Variants in INPP5A observed in about 807,000 individuals in gnomAD.
The protein encoded by INPP5A is inositol polyphosphate-5-phosphatase A.
INPP5A carries 14 observed loss-of-function variants against 65.2 expected under a neutral mutation model. The observed-to-expected ratio is 0.21, with a 90% CI of 0.14 to 0.34. INPP5A has a LOEUF of 0.34. Ranked by LOEUF, INPP5A falls within the 10% of genes least tolerant of loss-of-function variation. The pLI, the probability that INPP5A is intolerant of heterozygous loss-of-function variation, is 1.00. For missense variants in INPP5A, 431 were observed against 545.6 expected, an observed-to-expected ratio of 0.79 and a Z score of 2.09; for synonymous variants, 207 against 208.3, an observed-to-expected ratio of 0.99 and a Z score of 0.05.
chr10:132,760,499 C>G (rs1414170139), intron 11 of INPP5A, among the ~76,000 whole-genome samples: 1 of 152,280 alleles, frequency 6.6e-6, no homozygotes, highest in Non-Finnish European at 1.5e-5. Context: ...GCGTCCCCCA[C>G]AGCTGTGAAA....
intron 4 of INPP5A, among the ~76,000 whole-genome samples, chr10:132,662,858 G>A (rs905275975): frequency 6.6e-6 from 1 of 152,232 alleles, no homozygotes; most frequent in African/African-American, 2.4e-5. Flanking sequence ...ACCTTCTGGA[G>A]CGACGGGCAT....
chr10:132,647,607 C>T (rs1017337018), intron 3 of INPP5A, among the ~76,000 whole-genome samples: 3 of 152,188 alleles, frequency 2.0e-5, no homozygotes, highest in Admixed American at 6.5e-5. Context: ...GGTGGCATGA[C>T]GCAGGCCCGG....
chr10:132,541,568 G>A (rs570040817), intron 1 of INPP5A, among the ~76,000 whole-genome samples: 7 of 152,234 alleles, frequency 4.6e-5, no homozygotes, highest in Admixed American at 2.0e-4. Context: ...TGTTTATGTT[G>A]GTTATAACTA....
chr10:132,723,473 G>T (rs1299872700), intron 8 of INPP5A, among the ~76,000 whole-genome samples: 4 of 142,994 alleles, frequency 2.8e-5, no homozygotes, highest in African/African-American at 1.2e-4. Context: ...GGCCATGTGG[G>T]GATTGGCCGT....
At chr10:132,636,276 G>T (rs886169372) in intron 2 of INPP5A, among the ~76,000 whole-genome samples, 1 of 151,972 alleles carries the variant, frequency 6.6e-6, no homozygotes, top group African/African-American at 2.4e-5. Context: ...GATAGAACTT[G>T]CTTTACTTCT....
intron 4 of INPP5A, among the ~76,000 whole-genome samples, chr10:132,652,746 C>T (rs935034823): frequency 2.0e-5 from 3 of 152,218 alleles, no homozygotes; most frequent in Non-Finnish European, 4.4e-5. Context: ...CCTTGTAAAA[C>T]AGTCGTTAGA....
rs571029221 is a variant in INPP5A, at chr10:132,688,732, ATG to A, written c.307-1655_307-1654del. 2.3e-3 allele frequency among the ~76,000 whole-genome samples: 347 copies of A among 149,646 alleles called. 3 individuals are homozygous for A. The highest frequency in any genetic ancestry group is 5.3e-3 in the South Asian group (25 of 4,690). On this transcript the variant is annotated intron_variant, in intron 4 of 15. Transcript: ENST00000368594. ...GTGAACAAGTGCATTGTGTGCATGAATGTGTGCAAGTGTGTGAGCAAGTGCAT... is the reference window on the plus strand; with the variant it reads ...GTGAACAAGTGCATTGTGTGCATGAATGTGCAAGTGTGTGAGCAAGTGCAT...
chr10:132,631,182 T>C (rs1013255917), intron 2 of INPP5A, among the ~76,000 whole-genome samples: 2 of 152,144 alleles, frequency 1.3e-5, no homozygotes, highest in African/African-American at 4.8e-5. Context: ...TGGTGTCCTG[T>C]GTGCAGGGCG....
At position 132,698,527 on chromosome 10, in the gene INPP5A, G is replaced by A. The variant is rs1223004379; in HGVS notation, c.474+608G>A. Among the ~76,000 whole-genome samples the A allele has an allele frequency of 1.3e-5, 2 of 152,254 alleles. No homozygotes were observed. Among genetic ancestry groups the A allele is most frequent in the Admixed American group, 6.5e-5 (1 of 15,292 alleles). Reference sequence around the variant, plus strand: ...ATGCACTTTGCTGAGCTGTGTGCGCGGCTGTTGCTCTGTGCACGTGATCTT... The same window carrying A: ...ATGCACTTTGCTGAGCTGTGTGCGCAGCTGTTGCTCTGTGCACGTGATCTT... On this transcript the variant is annotated intron_variant, in intron 6 of 15. Transcript: ENST00000368594. This position sits in a 1 kb window ranked among gnomAD's most constrained non-coding sequence, Gnocchi z 5.5.
intron 8 of INPP5A, among the ~76,000 whole-genome samples, chr10:132,722,524 C>T (rs534366131): frequency 3.9e-5 from 6 of 152,340 alleles, no homozygotes; most frequent in Admixed American, 6.5e-5. Flanking sequence ...CCAGCAGCCT[C>T]GCGCCCGGTT....
intron 6 of INPP5A, among the ~76,000 whole-genome samples, chr10:132,699,374 G>T (rs1845400225): frequency 6.8e-6 from 1 of 147,484 alleles, no homozygotes; most frequent in Non-Finnish European, 1.5e-5. Context: ...GGGGGGGGCT[G>T]GGCTGGGCAG....
At chr10:132,626,574 G>A (rs1019273170) in intron 2 of INPP5A, among the ~76,000 whole-genome samples, 1 of 152,210 alleles carries the variant, frequency 6.6e-6, no homozygotes, top group African/African-American at 2.4e-5. Flanking sequence ...GTTCAAGATC[G>A]CAGACTGTGC....
In INPP5A at chr10:132,678,382, G is replaced by C. The variant is rs112944812; in HGVS notation, c.307-12010G>C. Among the ~76,000 whole-genome samples, 1 of 152,142 alleles carries C rather than the reference G, an allele frequency of 6.6e-6. No homozygotes were observed. Among genetic ancestry groups the C allele is most frequent in the African/African-American group, 2.4e-5 (1 of 41,436 alleles). ...ATCTAATGACTGTTATTATAACTTT[G>C]CTTTGATTTATTACTCAATCTGTTA... On this transcript the variant is annotated intron_variant, in intron 4 of 15. Coordinates refer to ENST00000368594, the MANE Select transcript of INPP5A (RefSeq NM_005539.5). This position sits in a 1 kb window ranked among gnomAD's most constrained non-coding sequence, Gnocchi z 4.1.
intron 11 of INPP5A, among the ~76,000 whole-genome samples, chr10:132,759,887 G>A (rs117789835): frequency 2.4e-4 from 36 of 152,234 alleles, no homozygotes; most frequent in East Asian, 9.7e-4. Context: ...CCCTTGATGC[G>A]CAGTCCCGTG....
intron 1 of INPP5A, among the ~76,000 whole-genome samples, chr10:132,578,804 C>T (rs1339314804): frequency 2.6e-5 from 4 of 151,344 alleles, no homozygotes; most frequent in Admixed American, 2.0e-4. Flanking sequence ...AGACTCTCGA[C>T]GGTGGGCAGC....
intron 3 of INPP5A, among the ~76,000 whole-genome samples, chr10:132,648,536 G>A (rs774738363): frequency 8.5e-5 from 13 of 152,170 alleles, no homozygotes; most frequent in Admixed American, 7.9e-4. Flanking sequence ...CCTGAAGAAC[G>A]TTCTTTAACA....
At chr10:132,623,024 G>A (rs935791700) in intron 2 of INPP5A, among the ~76,000 whole-genome samples, 4 of 152,210 alleles carry the variant, frequency 2.6e-5, no homozygotes, top group Non-Finnish European at 4.4e-5. Context: ...GTCCGTGTTC[G>A]TGGATTGGAA....
chr10:132,743,853 A>C (rs1438310352), intron 9 of INPP5A, among the ~76,000 whole-genome samples: 1 of 152,232 alleles, frequency 6.6e-6, no homozygotes, highest in Non-Finnish European at 1.5e-5. Context: ...CCCGGGGCTC[A>C]GACAGGCAGG....
rs891988432 is a variant in INPP5A, at chr10:132,547,158, G to C, written c.75+8987G>C. On this transcript the variant is annotated intron_variant, in intron 1 of 15. Coordinates refer to ENST00000368594, the MANE Select transcript of INPP5A (RefSeq NM_005539.5). This position sits in a 1 kb window ranked among gnomAD's most constrained non-coding sequence, Gnocchi z 5.5. ...TGCGGGGCAGGCCCCACCTCTCCTC[G>C]CATGTGCGGCCTTGGGCTGTGTTTC... Among the ~76,000 whole-genome samples the C allele has an allele frequency of 6.6e-6, 1 of 152,248 alleles. No individual in the cohort carries two copies. The highest frequency in any genetic ancestry group is 6.5e-5 in the Admixed American group (1 of 15,294).
Sources: allele counts gnomAD v4.1 joint callset (sites outside exome capture counted in the v4.1 genomes callset), GRCh38; gene constraint gnomAD v4.1.1; non-coding constraint Gnocchi (gnomAD v3.1); transcripts MANE v1.5; gene names NCBI Gene and HGNC (gene_info 2026-07-23, HGNC 2026-07-21).